EFCAB6: variants seen among roughly 807,000 people sequenced by gnomAD.
The protein encoded by EFCAB6 is EF-hand calcium binding domain 6, also known as EF-hand calcium-binding domain-containing protein 6.
A neutral mutation model predicts 169.8 loss-of-function variants in EFCAB6; 156 were observed. That is an observed-to-expected ratio of 0.92 (90% CI 0.81 to 1.05). The LOEUF is 1.05. Ranked by LOEUF, EFCAB6 falls within the 50% of genes least tolerant of loss-of-function variation. EFCAB6 has a pLI of 0.00. For synonymous variants in EFCAB6, 698 were observed against 676.4 expected (o/e 1.03, Z -0.50); for missense variants, 1,800 against 1,829.1 (o/e 0.98, Z 0.29).
intron 3 of EFCAB6, among the ~76,000 whole-genome samples, chr22:43,780,215 G>A (rs752313515): frequency 2.0e-5 from 3 of 152,004 alleles, no homozygotes; most frequent in Non-Finnish European, 4.4e-5. Context: ...GGCTGGGTGC[G>A]CTGGCTCATG....
intron 26 of EFCAB6, among the ~76,000 whole-genome samples, chr22:43,559,011 G>A (rs560924503): frequency 6.3e-4 from 96 of 152,286 alleles, no homozygotes; most frequent in Middle Eastern, 6.8e-3. Context: ...CAAAATTGAT[G>A]AATGGGATCT....
rs1184592521 is a variant in EFCAB6 at position 43,540,318 on chromosome 22, C to A, written c.3688G>T (p.Gly1230Trp). 1.2e-6 allele frequency: 2 copies of A among 1,614,182 alleles called. No homozygotes were observed. The highest frequency in any genetic ancestry group is 1.3e-5 in the African/African-American group (1 of 75,036). The change falls in exon 28 of 32, where the codon GGG becomes TGG. Residue 1230 changes from glycine to tryptophan, a missense_variant. Transcript: ENST00000262726. ...LWNEMPVNAK[G>W]RLKYPDFLSR... The stretch of plus-strand genomic sequence containing the variant: ...AGGAAGTCCGGGTATTTCAGCCTCC[C>A]CTTGGCATTGACTGGCATCTCGTTC...
intron 6 of EFCAB6, among the ~76,000 whole-genome samples, chr22:43,752,580 A>T (rs2060810856): frequency 6.6e-6 from 1 of 152,078 alleles, no homozygotes; most frequent in Non-Finnish European, 1.5e-5. Context: ...CTTGCCCGTG[A>T]TTGCTTTAGG....
At chr22:43,621,629 C>A (rs998245452) in intron 20 of EFCAB6, among the ~76,000 whole-genome samples, 3 of 151,734 alleles carry the variant, frequency 2.0e-5, no homozygotes, top group Admixed American at 1.3e-4. Flanking sequence ...CTATGAGTTT[C>A]CAATTTAAGA....
intron 23 of EFCAB6, 22 bp downstream of exon 23, chr22:43,600,047 C>G: frequency 6.2e-7 from 1 of 1,608,676 alleles, no homozygotes. Context: ...AGATGATGGC[C>G]CCGTGATCCT....
At chr22:43,704,694 C>T (rs1428355116) in intron 10 of EFCAB6, among the ~76,000 whole-genome samples, 3 of 151,980 alleles carry the variant, frequency 2.0e-5, no homozygotes, top group Non-Finnish European at 4.4e-5. Context: ...ATAAAGTGGA[C>T]TATGTAAGTA....
chr22:43,707,596 G>A (rs1425618936), intron 10 of EFCAB6, among the ~76,000 whole-genome samples: 2 of 152,222 alleles, frequency 1.3e-5, no homozygotes, highest in Non-Finnish European at 2.9e-5. Flanking sequence ...AGACCGTGAA[G>A]AGTACCTTCG....
chr22:43,731,126 C>T (rs1279360781), intron 8 of EFCAB6, among the ~76,000 whole-genome samples: 2 of 152,132 alleles, frequency 1.3e-5, no homozygotes, highest in South Asian at 2.1e-4. Flanking sequence ...GACCCTGACT[C>T]TCTCCAAAGC....
chr22:43,599,491 C>G (rs1265992070), intron 23 of EFCAB6, among the ~76,000 whole-genome samples: 1 of 117,560 alleles, frequency 8.5e-6, no homozygotes, highest in African/African-American at 3.5e-5. Flanking sequence ...GCCTGGGAGA[C>G]AGAGTGAGAT....
At chr22:43,701,537 A>G (rs911214731) in intron 10 of EFCAB6, among the ~76,000 whole-genome samples, 1 of 152,218 alleles carries the variant, frequency 6.6e-6, no homozygotes, top group Non-Finnish European at 1.5e-5. Flanking sequence ...ATGAAACAGA[A>G]TAAAAAATAC....
rs36058832 is a variant in EFCAB6, at chr22:43,586,340, A to ATTTTTTTTTTTTT, written c.3032+3721_3032+3733dup. Reference sequence around the variant, plus strand: ...ACTGTAAACTCTTGAGCAACAACTGATTTTTTTTTTTTTTTTTTTTTTTTT... The same window carrying ATTTTTTTTTTTTT: ...ACTGTAAACTCTTGAGCAACAACTGATTTTTTTTTTTTTTTTTTTTTTTTTTTTTTTTTTTTTT... On this transcript the variant is annotated intron_variant, in intron 24 of 31. Transcript: ENST00000262726. 7.0e-3 allele frequency among the ~76,000 whole-genome samples: 512 copies of ATTTTTTTTTTTTT among 72,892 alleles called. 52 individuals are homozygous for ATTTTTTTTTTTTT. The highest frequency in any genetic ancestry group is 7.8e-3 in the Non-Finnish European group (321 of 41,144). 47.8% of individuals were successfully genotyped at this position (72,892 alleles called of 152,430 possible).
At chr22:43,681,754 G>C (rs1210152489) in intron 12 of EFCAB6, among the ~76,000 whole-genome samples, 3 of 152,018 alleles carry the variant, frequency 2.0e-5, no homozygotes, top group Non-Finnish European at 4.4e-5. Context: ...AATGTTTTCT[G>C]GGAAGATTCT....
At chr22:43,674,994 G>A (rs1004420931) in intron 13 of EFCAB6, among the ~76,000 whole-genome samples, 17 of 151,964 alleles carry the variant, frequency 1.1e-4, no homozygotes, top group Admixed American at 8.5e-4. Flanking sequence ...CACATACATG[G>A]CCTGGGTACA....
At chr22:43,791,847 GAGACATT>G (rs2062304082) in intron 2 of EFCAB6, among the ~76,000 whole-genome samples, 1 of 152,174 alleles carries the variant, frequency 6.6e-6, no homozygotes, top group Non-Finnish European at 1.5e-5. Context: ...CTGGTCTCAG[GAGACATT>G]TCTTCAAGAT....
intron 18 of EFCAB6, among the ~76,000 whole-genome samples, chr22:43,632,498 T>C (rs1569285345): frequency 6.6e-6 from 1 of 151,944 alleles, no homozygotes; most frequent in Non-Finnish European, 1.5e-5. Context: ...CAGGGTTTCA[T>C]CATGTTGGCC....
Position 43,540,287 on chromosome 22 carries a change from C to G in EFCAB6, c.3719G>C (p.Arg1240Thr), listed in dbSNP as rs778538100. 1.6e-5 allele frequency: 26 copies of G among 1,614,248 alleles called. No homozygotes were observed. Among genetic ancestry groups the G allele is most frequent in the Non-Finnish European group, 8.5e-7 (1 of 1,180,052 alleles). Residue 1240 changes from arginine to threonine, a missense_variant, in exon 28 of 32, where the codon AGG becomes ACG. Coordinates refer to ENST00000262726, the MANE Select transcript of EFCAB6 (RefSeq NM_022785.4). ...GRLKYPDFLS[R>T]FSSETAATPM... ...TGTGGCTGCTGTCTCGGAACTGAAC[C>G]TGCTCAGGAAGTCCGGGTATTTCAG... is the stretch of plus-strand genomic sequence containing the variant.
chr22:43,729,697 G>A (rs1006504377), intron 8 of EFCAB6, among the ~76,000 whole-genome samples: 1 of 152,124 alleles, frequency 6.6e-6, no homozygotes, highest in Non-Finnish European at 1.5e-5. Flanking sequence ...TCAGTAAAAG[G>A]AGAGTTGAAT....
chr22:43,538,929 C>T (rs2147053731), intron 28 of EFCAB6, among the ~76,000 whole-genome samples: 1 of 152,286 alleles, frequency 6.6e-6, no homozygotes. Context: ...ATCAAGGTGC[C>T]CAGTGGCTCA....
intron 2 of EFCAB6, among the ~76,000 whole-genome samples, chr22:43,808,617 A>T (rs894934925): frequency 6.6e-6 from 1 of 152,254 alleles, no homozygotes; most frequent in Non-Finnish European, 1.5e-5. Context: ...TCCCGAGGAT[A>T]TACAGAAAGA....
Sources: gnomAD v4.1 joint callset for allele counts (sites outside exome capture counted in the v4.1 genomes callset) on GRCh38, gnomAD v4.1.1 for gene constraint, MANE v1.5 for transcripts, NCBI Gene and HGNC (gene_info 2026-07-23, HGNC 2026-07-21) for gene names.